WWOX: variants seen among roughly 807,000 people sequenced by gnomAD.
WWOX encodes WW domain-containing oxidoreductase.
WWOX carries 69 observed loss-of-function variants against 46.2 expected under a neutral mutation model. The observed-to-expected ratio is 1.49, with a 90% CI of 1.23 to 1.82. The LOEUF is 1.82. WWOX is among the 40% of genes most tolerant of loss of function. The pLI is 0.00. For synonymous variants in WWOX, 359 were observed against 202.6 expected (o/e 1.77, Z -6.56); for missense variants, 919 against 542.6 (o/e 1.69, Z -6.89).
intron 8 of WWOX, among the ~76,000 whole-genome samples, chr16:78,909,906 A>T (rs559304100): frequency 6.6e-6 from 1 of 152,344 alleles, no homozygotes; most frequent in South Asian, 2.1e-4. Context: ...GCAAAATAAG[A>T]TGTCAAGCTA....
chr16:78,261,236 A>G (rs2151836825), intron 5 of WWOX, among the ~76,000 whole-genome samples: 2 of 150,424 alleles, frequency 1.3e-5, no homozygotes, highest in East Asian at 3.9e-4. Context: ...GCACGTGTAG[A>G]AATGTAAGAT....
chr16:78,789,622 G>A (rs2142586308), intron 8 of WWOX, among the ~76,000 whole-genome samples: 1 of 152,174 alleles, frequency 6.6e-6, no homozygotes, highest in South Asian at 2.1e-4. Context: ...ATTGTTTTGG[G>A]TATTCTGGGT....
intron 8 of WWOX, among the ~76,000 whole-genome samples, chr16:78,843,604 A>G (rs1226764513): frequency 7.5e-6 from 1 of 133,786 alleles, no homozygotes. Flanking sequence ...GGAAATAAAA[A>G]TAAAAAAGCA....
At chr16:78,520,479 A>T (rs961804275) in intron 8 of WWOX, among the ~76,000 whole-genome samples, 1 of 152,192 alleles carries the variant, frequency 6.6e-6, no homozygotes, top group Admixed American at 6.5e-5. Context: ...AGTATTAGAA[A>T]GTAACTAGCC....
chr16:78,529,690 A>G (rs751001564), intron 8 of WWOX, among the ~76,000 whole-genome samples: 8 of 151,474 alleles, frequency 5.3e-5, no homozygotes, highest in Non-Finnish European at 1.2e-4. Flanking sequence ...GATGGTCTCG[A>G]TCTCCTGACC....
chr16:78,340,110 A>C (rs1338877870), intron 5 of WWOX, among the ~76,000 whole-genome samples: 1 of 106,180 alleles, frequency 9.4e-6, no homozygotes, highest in East Asian at 2.1e-4. Flanking sequence ...CTCTGATGTT[A>C]ATGATAATTG....
At chr16:78,881,910 G>A (rs1444052689) in intron 8 of WWOX, among the ~76,000 whole-genome samples, 1 of 152,074 alleles carries the variant, frequency 6.6e-6, no homozygotes, top group African/African-American at 2.4e-5. Flanking sequence ...ATCACTTGAG[G>A]TCAGGAGTTT....
At chr16:78,796,374 A>G (rs1331397230) in intron 8 of WWOX, among the ~76,000 whole-genome samples, 1 of 152,222 alleles carries the variant, frequency 6.6e-6, no homozygotes, top group Non-Finnish European at 1.5e-5. Flanking sequence ...ACAAGTTTCC[A>G]AGGAGTTATT....
intron 8 of WWOX, among the ~76,000 whole-genome samples, chr16:79,060,944 T>C (rs564866047): frequency 6.6e-6 from 1 of 152,314 alleles, no homozygotes; most frequent in African/African-American, 2.4e-5. Flanking sequence ...TGTTGTTATT[T>C]CACTGATGGA....
At chr16:78,800,617 G>A (rs1196476290) in intron 8 of WWOX, among the ~76,000 whole-genome samples, 2 of 152,192 alleles carry the variant, frequency 1.3e-5, no homozygotes, top group Non-Finnish European at 2.9e-5. Context: ...TTGCTAAATG[G>A]CTTGCAGTGG....
At chr16:78,548,380 C>T (rs1306552625) in intron 8 of WWOX, among the ~76,000 whole-genome samples, 3 of 151,812 alleles carry the variant, frequency 2.0e-5, no homozygotes, top group Admixed American at 6.6e-5. Context: ...ATAAATGTGA[C>T]TCACGCAGAG....
At chr16:78,354,434 G>A (rs535275005) in intron 5 of WWOX, among the ~76,000 whole-genome samples, 12 of 151,020 alleles carry the variant, frequency 7.9e-5, no homozygotes, top group East Asian at 1.9e-4. Context: ...AATGAAGCCC[G>A]TTAATCCGCT....
intron 8 of WWOX, among the ~76,000 whole-genome samples, chr16:78,874,578 C>T (rs1194350227): frequency 6.6e-6 from 1 of 151,782 alleles, no homozygotes; most frequent in Non-Finnish European, 1.5e-5. Flanking sequence ...TCTGGATGGT[C>T]TCCACTACAG....
intron 5 of WWOX, among the ~76,000 whole-genome samples, chr16:78,357,428 G>C (rs1010765246): frequency 6.6e-6 from 1 of 151,972 alleles, no homozygotes; most frequent in Admixed American, 6.6e-5. Flanking sequence ...TTTGTATTTT[G>C]GTTCATTCAA....
At chr16:78,395,228 C>A (rs958847276) in intron 6 of WWOX, among the ~76,000 whole-genome samples, 1 of 152,088 alleles carries the variant, frequency 6.6e-6, no homozygotes, top group Admixed American at 6.5e-5. Flanking sequence ...CTTTCACAAT[C>A]GTTTGAGAGG....
chr16:78,847,999 C>T (rs1420797403), intron 8 of WWOX, among the ~76,000 whole-genome samples: 2 of 152,106 alleles, frequency 1.3e-5, no homozygotes, highest in East Asian at 3.9e-4. Flanking sequence ...GTGGTTGCCC[C>T]AGCTGATAGC....
intron 5 of WWOX, among the ~76,000 whole-genome samples, chr16:78,382,788 C>G (rs1195333547): frequency 1.3e-5 from 2 of 152,012 alleles, no homozygotes; most frequent in African/African-American, 4.8e-5. Flanking sequence ...GATAAAATGT[C>G]TTAGAATTAT....
At chr16:78,733,892 C>G (rs897034826) in intron 8 of WWOX, among the ~76,000 whole-genome samples, 4 of 151,926 alleles carry the variant, frequency 2.6e-5, no homozygotes, top group African/African-American at 4.8e-5. Flanking sequence ...GTACAGAGAC[C>G]TCATCTCTAC....
At chr16:78,556,846 G>C (rs2044309825) in intron 8 of WWOX, among the ~76,000 whole-genome samples, 1 of 151,880 alleles carries the variant, frequency 6.6e-6, no homozygotes. Context: ...AGCCTCCCAA[G>C]TAACTGGGAT....
Sources: gnomAD v4.1 joint callset for allele counts (sites outside exome capture counted in the v4.1 genomes callset) on GRCh38, gnomAD v4.1.1 for gene constraint, MANE v1.5 for transcripts, NCBI Gene and HGNC (gene_info 2026-07-23, HGNC 2026-07-21) for gene names.